Variants in HBP1 observed in about 807,000 individuals in gnomAD.
HBP1 encodes the protein HMG-box transcription factor 1.
In HBP1, 20 loss-of-function variants were observed where a neutral mutation model predicts 62.6. The observed-to-expected ratio is 0.32, with a 90% confidence interval of 0.22 to 0.46. The LOEUF (loss-of-function observed/expected upper bound fraction) is 0.46, where lower values mean the gene tolerates loss of function less well. Among genes scored for constraint, HBP1 ranks in the 20% least tolerant of loss-of-function variants. The pLI is 1.00. For synonymous variants in HBP1, 232 were observed against 206.2 expected (o/e 1.12, Z -1.07); for missense variants, 480 against 611.8 (o/e 0.78, Z 2.27).
At chr7:107,170,916 T>C (rs1796525056) in intron 1 of HBP1, among the ~76,000 whole-genome samples, 2 of 147,888 alleles carry the variant, frequency 1.4e-5, no homozygotes, top group South Asian at 4.2e-4. Context: ...CTTCACTATA[T>C]ACATATGTAT....
Position 107,179,865 on chromosome 7 carries a change from GT to G in HBP1, c.-15-9del. Reference sequence around the variant, plus strand: ...TGGCTTGACATCATTTCTTAATGTCGTTTTTATTTTAAGTCAGAGCACCATA... The same window carrying G: ...TGGCTTGACATCATTTCTTAATGTCGTTTTATTTTAAGTCAGAGCACCATA... On this transcript the variant is annotated splice_polypyrimidine_tract_variant and intron_variant, in intron 1 of 10. Coordinates refer to ENST00000222574, the MANE Select transcript of HBP1 (RefSeq NM_012257.4). The G allele has an allele frequency of 6.5e-7, 1 of 1,541,830 alleles. No individual in the cohort carries two copies. The highest frequency in any genetic ancestry group is 1.2e-5 in the South Asian group (1 of 84,566).
At position 107,169,036 on chromosome 7, in the gene HBP1, G is replaced by T. The variant is rs928558895; in HGVS notation, c.-165G>T. On this transcript the variant is annotated 5_prime_UTR_variant, in exon 1 of 11. Transcript: ENST00000222574. ...TAATGGCGACGGGTTTGGTAAGTAG[G>T]AAAGTTTCGGTTGAGGAGTAAGAGC... 15 of 1,289,070 alleles carry T rather than the reference G, an allele frequency of 1.2e-5. No homozygotes were observed. The highest frequency in any genetic ancestry group is 1.4e-5 in the Non-Finnish European group (14 of 988,550). The allele number at this position is 1,289,070 out of a possible 1,614,324, so 79.9% of individuals were successfully genotyped here.
intron 8 of HBP1, among the ~76,000 whole-genome samples, chr7:107,194,219 G>C (rs893556815): frequency 7.2e-5 from 11 of 152,176 alleles, no homozygotes; most frequent in African/African-American, 2.7e-4. Flanking sequence ...ATCCATAATG[G>C]AAGTAGATGA....
At chr7:107,195,778 G>A in intron 8 of HBP1, 56 bp from the exon 9 acceptor site, 4 of 746,430 alleles carry the variant, frequency 5.4e-6, no homozygotes, top group Non-Finnish European at 3.9e-6. Flanking sequence ...CTGCTTTTTA[G>A]AAATCAGAGA....
intron 1 of HBP1, among the ~76,000 whole-genome samples, chr7:107,176,030 ATT>A (rs111542550): frequency 1.5e-5 from 2 of 135,208 alleles, no homozygotes; most frequent in Non-Finnish European, 3.1e-5. Flanking sequence ...TTCTTTTTTC[ATT>A]TTTTTTTTTC....
Position 107,180,009 on chromosome 7 carries a change from A to G in HBP1, c.116A>G (p.Glu39Gly). 6.2e-7 allele frequency: 1 copy of G among 1,609,576 alleles called. No individual in the cohort carries two copies. Among genetic ancestry groups the G allele is most frequent in the Non-Finnish European group, 8.5e-7 (1 of 1,176,390 alleles). Reference sequence around the variant, plus strand: ...TCATTGGAGTTGCTGCAGTGTAATGAGAATTTGCCATCTTCACCTGGATAT... The same window carrying G: ...TCATTGGAGTTGCTGCAGTGTAATGGGAATTTGCCATCTTCACCTGGATAT... Reference protein sequence around the residue: ...NDSLELLQCNENLPSSPGYNS... With the variant: ...NDSLELLQCNGNLPSSPGYNS... Residue 39 changes from glutamate (E) to glycine (G), a missense_variant, in exon 2 of 11, where the codon GAG becomes GGG. This residue lies in a region of HBP1 where 304 missense variants were observed against 330.9 expected (regional missense o/e 0.92). Transcript: ENST00000222574.
Position 107,202,072 on chromosome 7 carries a change from T to C in HBP1, c.*641T>C, listed in dbSNP as rs902975377. 9 of 152,702 alleles carry C rather than the reference T, an allele frequency of 5.9e-5. No homozygotes were observed. The highest frequency in any genetic ancestry group is 2.1e-4 in the South Asian group (1 of 4,838). 9.5% of individuals were successfully genotyped at this position (152,702 alleles called of 1,614,324 possible). A position where few individuals can be genotyped will look rare whatever the true frequency, so the allele number is the denominator to read the frequency against. ...ACCAGGTGGCAGCAGCCATCCGTTA[T>C]TATTTCCAATGGAGACCTAGCCCAG... On this transcript the variant is annotated 3_prime_UTR_variant, in exon 11 of 11. Transcript: ENST00000222574.
intron 1 of HBP1, among the ~76,000 whole-genome samples, chr7:107,169,408 C>T (rs1796436232): frequency 7.3e-6 from 1 of 137,190 alleles, no homozygotes; most frequent in South Asian, 2.4e-4. Context: ...GCTAGGGGGT[C>T]TCGGGCGGGG....
intron 1 of HBP1, chr7:107,169,980 A>C: frequency 1.0e-6 from 1 of 985,416 alleles, no homozygotes; most frequent in Non-Finnish European, 1.2e-6. Flanking sequence ...AAAACAAAAC[A>C]AACCAGGCGA....
intron 10 of HBP1, 83 bp downstream of exon 10, chr7:107,200,384 T>TC: frequency 1.8e-6 from 2 of 1,123,706 alleles, no homozygotes; most frequent in Non-Finnish European, 2.5e-6. Context: ...TGTTACAACC[T>TC]TTAAGAGGTT....
chr7:107,169,406 G>A (rs535970256), intron 1 of HBP1, among the ~76,000 whole-genome samples: 1 of 149,728 alleles, frequency 6.7e-6, no homozygotes, highest in South Asian at 2.1e-4. Flanking sequence ...GCGCTAGGGG[G>A]TCTCGGGCGG....
intron 8 of HBP1, among the ~76,000 whole-genome samples, 163 bp downstream of exon 8, chr7:107,190,480 T>C (rs904244675): frequency 6.6e-6 from 1 of 152,184 alleles, no homozygotes; most frequent in Non-Finnish European, 1.5e-5. Flanking sequence ...TATTAGGTAA[T>C]TAAAGTATAA....
chr7:107,186,156 CTTTTTTTTTCTTT>C (rs1470970690), intron 4 of HBP1, among the ~76,000 whole-genome samples, 192 bp from the exon 5 acceptor site: 1 of 127,274 alleles, frequency 7.9e-6, no homozygotes, highest in Non-Finnish European at 1.7e-5. Flanking sequence ...TCTTTTTTTT[CTTTTTTTTTCTTT>C]TTTTTTTTTT....
intron 8 of HBP1, among the ~76,000 whole-genome samples, chr7:107,191,230 A>G (rs1179157673): frequency 6.6e-6 from 1 of 152,196 alleles, no homozygotes; most frequent in African/African-American, 2.4e-5. Context: ...AGCAAATTGC[A>G]TAGGGCCTGA....
rs1348356941 is a variant in HBP1, at chr7:107,185,810, T to G, written c.408T>G (p.Pro136=). 6.2e-7 allele frequency: 1 copy of G among 1,613,484 alleles called. No individual in the cohort carries two copies. Among genetic ancestry groups the G allele is most frequent in the East Asian group, 2.2e-5 (1 of 44,878 alleles). The part of the protein sequence containing the change: ...MQCSFYNRSS[P]VHIIATSKSL... ...TGTTGCTTTATTTTAGATCATCTCC[T>G]GTACACATCATAGCCACTAGCAAAA... Residue 136 remains proline (P), a synonymous_variant, in exon 4 of 11, where the codon CCT becomes CCG. Coordinates refer to ENST00000222574, the MANE Select transcript of HBP1 (RefSeq NM_012257.4).
At chr7:107,171,729 G>A (rs527791366) in intron 1 of HBP1, among the ~76,000 whole-genome samples, 1 of 151,836 alleles carries the variant, frequency 6.6e-6, no homozygotes, top group East Asian at 1.9e-4. Context: ...GCATGGTGGC[G>A]CACACCTGTA....
chr7:107,170,014 CT>C, intron 1 of HBP1: 4 of 985,488 alleles, frequency 4.1e-6, no homozygotes, highest in Non-Finnish European at 4.8e-6. Flanking sequence ...GTTTTTGTAG[CT>C]TTAAATGCTG....
At chr7:107,188,621 T>G (rs1188734711) in intron 6 of HBP1, among the ~76,000 whole-genome samples, 1 of 152,192 alleles carries the variant, frequency 6.6e-6, no homozygotes, top group Non-Finnish European at 1.5e-5. Context: ...TCAATATTCA[T>G]TGAATTTAAA....
At position 107,180,062 on chromosome 7, in the gene HBP1, G is replaced by T. The variant is rs764609467; in HGVS notation, c.169G>T (p.Asp57Tyr). 1.3e-6 allele frequency: 2 copies of T among 1,551,208 alleles called. No homozygotes were observed. The highest frequency in any genetic ancestry group is 2.3e-5 in the South Asian group (2 of 85,138). Residue 57 changes from aspartate to tyrosine, a missense_variant and splice_region_variant, in exon 2 of 11, where the codon GAT (aspartate) becomes TAT (tyrosine). By Grantham distance (160) the Asp-to-Tyr change is radical. This residue lies in a region of HBP1 where 304 missense variants were observed against 330.9 expected (regional missense o/e 0.92). Coordinates refer to ENST00000222574, the MANE Select transcript of HBP1 (RefSeq NM_012257.4). ...CTCCTGTGATGAACACATGGAGCTT[G>T]GTAAGCAAAATTAAAAGTTATATAG... is the stretch of plus-strand genomic sequence containing the variant. Reference protein sequence around the residue: ...YNSCDEHMELDDLPELQAVQS... With the variant: ...YNSCDEHMELYDLPELQAVQS...
Sources: allele counts gnomAD v4.1 joint callset (sites outside exome capture counted in the v4.1 genomes callset), GRCh38; gene constraint gnomAD v4.1.1; regional missense constraint gnomAD v4.1.1; transcripts MANE v1.5; gene names NCBI Gene and HGNC (gene_info 2026-07-23, HGNC 2026-07-21).